Variants in PPP3CA observed in about 807,000 individuals in gnomAD.
PPP3CA encodes the protein protein phosphatase 3 catalytic subunit alpha, also known as CAM-PRP catalytic subunit.
A neutral mutation model predicts 66.5 loss-of-function variants in PPP3CA; 14 were observed. That is an observed-to-expected ratio of 0.21 (90% confidence interval 0.14 to 0.33). The LOEUF (loss-of-function observed/expected upper bound fraction) is 0.33, where lower values mean the gene tolerates loss of function less well. PPP3CA is among the 10% of genes least tolerant of loss of function. The pLI, the probability that PPP3CA is intolerant of heterozygous loss-of-function variation, is 1.00. For missense variants in PPP3CA, 317 were observed against 639.5 expected (o/e 0.50, Z 5.44); for synonymous variants, 232 against 226.2 (o/e 1.03, Z -0.23).
chr4:101,205,806 G>A (rs1320485124), intron 1 of PPP3CA, among the ~76,000 whole-genome samples: 1 of 152,180 alleles, frequency 6.6e-6, no homozygotes, highest in Non-Finnish European at 1.5e-5. Context: ...TAAGTCTTAA[G>A]TGACAATTTA....
intron 2 of PPP3CA, among the ~76,000 whole-genome samples, chr4:101,123,971 T>C (rs1722116262): frequency 6.6e-6 from 1 of 152,214 alleles, no homozygotes; most frequent in Non-Finnish European, 1.5e-5. Flanking sequence ...TACAGGTTAA[T>C]ACTTCGGCAG....
At chr4:101,178,555 A>T (rs1367580237) in intron 2 of PPP3CA, among the ~76,000 whole-genome samples, 4 of 152,076 alleles carry the variant, frequency 2.6e-5, no homozygotes, top group African/African-American at 4.8e-5. Flanking sequence ...CTGTGCTCCC[A>T]GAGTCCTTTG....
At chr4:101,135,372 T>C (rs997417540) in intron 2 of PPP3CA, among the ~76,000 whole-genome samples, 3 of 152,178 alleles carry the variant, frequency 2.0e-5, no homozygotes, top group Non-Finnish European at 4.4e-5. Context: ...GTTGAAACCC[T>C]TAGTGCAACA....
intron 2 of PPP3CA, among the ~76,000 whole-genome samples, chr4:101,127,371 G>A (rs1369369863): frequency 2.0e-5 from 3 of 152,034 alleles, no homozygotes; most frequent in African/African-American, 7.2e-5. Flanking sequence ...GATGTAATCA[G>A]GTCACGCTTG....
chr4:101,185,274 G>A (rs1407046476), intron 2 of PPP3CA, among the ~76,000 whole-genome samples: 1 of 152,024 alleles, frequency 6.6e-6, no homozygotes, highest in African/African-American at 2.4e-5. Flanking sequence ...AGAAAGAGGT[G>A]GAAGGAAGAA....
intron 1 of PPP3CA, among the ~76,000 whole-genome samples, chr4:101,215,730 A>T (rs1174998437): frequency 6.6e-6 from 1 of 152,154 alleles, no homozygotes; most frequent in Non-Finnish European, 1.5e-5. Flanking sequence ...CATTTAAAAA[A>T]TTTCTAATTT....
chr4:101,273,324 C>T (rs1180738886), intron 1 of PPP3CA, among the ~76,000 whole-genome samples: 1 of 151,002 alleles, frequency 6.6e-6, no homozygotes, highest in East Asian at 1.9e-4. Context: ...TGGAGTCTTG[C>T]TCTGTCGCCC....
chr4:101,298,382 C>T (rs74870876), intron 1 of PPP3CA, among the ~76,000 whole-genome samples: 3 of 150,674 alleles, frequency 2.0e-5, no homozygotes, highest in South Asian at 2.1e-4. Context: ...CCTTTAACAA[C>T]GTAAGTTTGA....
At chr4:101,031,416 A>C (rs957651282) in intron 12 of PPP3CA, among the ~76,000 whole-genome samples, 1 of 152,202 alleles carries the variant, frequency 6.6e-6, no homozygotes, top group Non-Finnish European at 1.5e-5. Context: ...TATTGTATGT[A>C]ATAATAATAG....
rs117170898 is a variant in PPP3CA at position 101,267,686 on chromosome 4, G to A, written c.59-71570C>T. Among the ~76,000 whole-genome samples the A allele has an allele frequency of 8.2e-4, 125 of 152,104 alleles. No homozygotes were observed. The East Asian group carries it at 0.02, about 24-fold the overall frequency. On this transcript the variant is annotated intron_variant, in intron 1 of 13. Transcript: ENST00000394854. ...TCCAGGCAGATTAATATTAACATAC[G>A]CTATCTCTGGAAAATGCAATTTATA...
chr4:101,097,979 GCA>G (rs1730273474), intron 5 of PPP3CA, among the ~76,000 whole-genome samples: 1 of 152,100 alleles, frequency 6.6e-6, no homozygotes, highest in Non-Finnish European at 1.5e-5. Flanking sequence ...CATAAAATGA[GCA>G]CAGTTTAATG....
chr4:101,324,476 G>T (rs1729150301), intron 1 of PPP3CA, among the ~76,000 whole-genome samples: 1 of 152,096 alleles, frequency 6.6e-6, no homozygotes, highest in Admixed American at 6.6e-5. Context: ...AACGAACAAA[G>T]TATGTGCCTG....
At chr4:101,072,205 G>A (rs1346935185) in intron 8 of PPP3CA, among the ~76,000 whole-genome samples, 1 of 152,224 alleles carries the variant, frequency 6.6e-6, no homozygotes, top group African/African-American at 2.4e-5. Flanking sequence ...GTATTTGGAT[G>A]CATAACACTC....
At position 101,346,833 on chromosome 4, in the gene PPP3CA, C is replaced by G. The variant is rs759312211; in HGVS notation, c.-37G>C. 6.3e-7 allele frequency: 1 copy of G among 1,598,502 alleles called. No individual in the cohort carries two copies. Among genetic ancestry groups the G allele is most frequent in the South Asian group, 1.1e-5 (1 of 88,856 alleles). On this transcript the variant is annotated 5_prime_UTR_variant, in exon 1 of 14. Coordinates refer to ENST00000394854, the MANE Select transcript of PPP3CA (RefSeq NM_000944.5). Reference sequence around the variant, plus strand: ...GGAGGACAGCGACGCGCTGCTCGTCCGTCCGACTGCACACCCCGACCGGAC... The same window carrying G: ...GGAGGACAGCGACGCGCTGCTCGTCGGTCCGACTGCACACCCCGACCGGAC...
At chr4:101,111,565 G>A (rs1386751240) in intron 2 of PPP3CA, among the ~76,000 whole-genome samples, 2 of 152,032 alleles carry the variant, frequency 1.3e-5, no homozygotes, top group Non-Finnish European at 2.9e-5. Flanking sequence ...ACATCCCCAA[G>A]ACAAAATGGT....
At chr4:101,288,234 G>A (rs1727904817) in intron 1 of PPP3CA, among the ~76,000 whole-genome samples, 1 of 152,096 alleles carries the variant, frequency 6.6e-6, no homozygotes, top group Non-Finnish European at 1.5e-5. Flanking sequence ...CACTAAAATG[G>A]CCAGATGTCT....
Position 101,025,841 on chromosome 4 carries a change from A to T in PPP3CA, c.*24T>A. 1 of 1,417,600 alleles carries T rather than the reference A, an allele frequency of 7.1e-7. No individual in the cohort carries two copies. The highest frequency in any genetic ancestry group is 9.4e-7 in the Non-Finnish European group (1 of 1,069,060). The allele number at this position is 1,417,600 out of a possible 1,614,324, so 87.8% of individuals were successfully genotyped here. ...AGCTCAAAAAAAAAAAAAAAAAAAA[A>T]AAAAAAAAGTGAACAGGAAGTGGTC... On this transcript the variant is annotated 3_prime_UTR_variant, in exon 14 of 14. Coordinates refer to ENST00000394854, the MANE Select transcript of PPP3CA (RefSeq NM_000944.5).
In PPP3CA at chr4:101,025,849, A is replaced by AATT; in HGVS notation, c.*15_*16insAAT. 8.4e-7 allele frequency: 1 copy of AATT among 1,195,694 alleles called. No individual in the cohort carries two copies. Among genetic ancestry groups the AATT allele is most frequent in the Non-Finnish European group, 1.1e-6 (1 of 884,648 alleles). The allele number at this position is 1,195,694 out of a possible 1,614,324, so 74.1% of individuals were successfully genotyped here. On this transcript the variant is annotated 3_prime_UTR_variant, in exon 14 of 14. Transcript: ENST00000394854. ...AAAAAAAAAAAAAAAAAAAAAAAAA[A>AATT]GTGAACAGGAAGTGGTCACTGAATA...
chr4:101,106,760 A>G (rs529662261), intron 3 of PPP3CA, among the ~76,000 whole-genome samples: 1 of 152,214 alleles, frequency 6.6e-6, no homozygotes, highest in South Asian at 2.1e-4. Flanking sequence ...GTTGAATATT[A>G]TGTGGAGAAA....
Sources: allele counts gnomAD v4.1 joint callset (sites outside exome capture counted in the v4.1 genomes callset), GRCh38; gene constraint gnomAD v4.1.1; transcripts MANE v1.5; gene names NCBI Gene and HGNC (gene_info 2026-07-23, HGNC 2026-07-21).